The following DNAAF1 variants were observed in gnomAD, a reference collection of about 807,000 sequenced individuals.
DNAAF1 encodes the protein dynein axonemal assembly factor 1.
Under a neutral mutation model 71.1 loss-of-function variants are expected in DNAAF1, and 65 were observed. The ratio of observed to expected loss-of-function variants is 0.91; its 90% CI spans 0.75 to 1.12. DNAAF1 has a LOEUF of 1.12. Ranked by LOEUF, DNAAF1 falls within the 50% of genes most tolerant of loss-of-function variation. The pLI, the probability that DNAAF1 is intolerant of heterozygous loss-of-function variation, is 0.00. For missense variants in DNAAF1, 1,178 were observed against 899.8 expected (o/e 1.31, Z -3.96); for synonymous variants, 414 against 354.6 (o/e 1.17, Z -1.88).
chr16:84,176,347 G>A (rs980733848), intron 11 of DNAAF1, 48 bp downstream of exon 11: 22 of 1,611,048 alleles, frequency 1.4e-5, no homozygotes, highest in East Asian at 6.7e-5. Context: ...TTGGCTCCCC[G>A]GCCTGGGATG....
intron 1 of DNAAF1, among the ~76,000 whole-genome samples, chr16:84,147,268 T>G (rs2086959042): frequency 6.6e-6 from 1 of 152,216 alleles, no homozygotes; most frequent in Non-Finnish European, 1.5e-5. Flanking sequence ...TGTTGCTTCC[T>G]GTGGCTGGGC....
intron 3 of DNAAF1, 82 bp downstream of exon 3, chr16:84,150,424 C>T: frequency 1.9e-6 from 2 of 1,050,378 alleles, no homozygotes; most frequent in Non-Finnish European, 1.5e-6. Context: ...GCAGGGATCA[C>T]CTTTAGTTCT....
chr16:84,162,497 A>T (rs1373016530), intron 6 of DNAAF1, among the ~76,000 whole-genome samples: 1 of 152,066 alleles, frequency 6.6e-6, no homozygotes, highest in Non-Finnish European at 1.5e-5. Context: ...CATCACCACA[A>T]TCAATTTTAG....
intron 7 of DNAAF1, among the ~76,000 whole-genome samples, chr16:84,168,485 C>T (rs1338111177): frequency 6.6e-6 from 1 of 152,044 alleles, no homozygotes; most frequent in Non-Finnish European, 1.5e-5. Flanking sequence ...GCTATGTTGG[C>T]CAAGCTGGTC....
intron 3 of DNAAF1, among the ~76,000 whole-genome samples, chr16:84,151,004 A>G (rs956557995): frequency 2.0e-5 from 3 of 152,094 alleles, no homozygotes; most frequent in African/African-American, 7.2e-5. Context: ...TTGATGTTGG[A>G]AACAAATGAT....
chr16:84,172,638 A>G, intron 9 of DNAAF1: 1 of 1,312,702 alleles, frequency 7.6e-7, no homozygotes, highest in Non-Finnish European at 9.8e-7. Context: ...CCAAATCGCT[A>G]CCCTTGAACC....
chr16:84,148,079 A>G (rs186690718), intron 1 of DNAAF1, among the ~76,000 whole-genome samples: 190 of 152,048 alleles, frequency 1.2e-3, no homozygotes, highest in African/African-American at 4.5e-3. Flanking sequence ...AAAAAAAAAG[A>G]AATAAAACAT....
chr16:84,166,732 C>T (rs1435239483), intron 7 of DNAAF1, among the ~76,000 whole-genome samples: 2 of 152,176 alleles, frequency 1.3e-5, no homozygotes, highest in African/African-American at 4.8e-5. Context: ...TTGGCCTCAC[C>T]TACCTGCCAG....
In DNAAF1 at chr16:84,154,777, A is replaced by T; in HGVS notation, c.553A>T (p.Ile185Phe). ...TGCTCTTAACCTCAGCAACAATTAC[A>T]TCAAGACCATTGAAAACCTCTGTAA... is the stretch of plus-strand genomic sequence containing the variant. ...LDALNLSNNYIKTIENLSCLP... is the reference protein window; with the variant it reads ...LDALNLSNNYFKTIENLSCLP... The change falls in exon 4 of 12, where the codon ATC (isoleucine) becomes TTC (phenylalanine). Residue 185 changes from isoleucine to phenylalanine, a missense_variant. By Grantham distance (21) the Ile-to-Phe change is conservative. Coordinates refer to ENST00000378553, the MANE Select transcript of DNAAF1 (RefSeq NM_178452.6). 1 of 1,614,092 alleles carries T rather than the reference A, an allele frequency of 6.2e-7. No homozygotes were observed. Among genetic ancestry groups the T allele is most frequent in the Non-Finnish European group, 8.5e-7 (1 of 1,179,950 alleles).
Position 84,145,471 on chromosome 16 carries a change from G to A in DNAAF1, c.31G>A (p.Gly11Ser), listed in dbSNP as rs1473759916. ...CCCTGAGCCCTCGGAGCCTGCGACAGGTGGTGCAGCAGAGCTGGATTGCGC... is the reference window on the plus strand; with the variant it reads ...CCCTGAGCCCTCGGAGCCTGCGACAAGTGGTGCAGCAGAGCTGGATTGCGC... MHPEPSEPATGGAAELDCAQE... is the reference protein window; with the variant it reads MHPEPSEPATSGAAELDCAQE... The change falls in exon 1 of 12, where the codon GGT becomes AGT. Residue 11 changes from glycine to serine, a missense_variant. Gly to Ser is a moderately conservative substitution (Grantham distance 56, BLOSUM62 0). Coordinates refer to ENST00000378553, the MANE Select transcript of DNAAF1 (RefSeq NM_178452.6). 6.3e-7 allele frequency: 1 copy of A among 1,578,322 alleles called. No individual in the cohort carries two copies. The highest frequency in any genetic ancestry group is 8.6e-7 in the Non-Finnish European group (1 of 1,162,404).
intron 7 of DNAAF1, among the ~76,000 whole-genome samples, chr16:84,167,903 G>C (rs2088109683): frequency 6.6e-6 from 1 of 152,094 alleles, no homozygotes; most frequent in African/African-American, 2.4e-5. Context: ...TATAATCCCA[G>C]CTACTTGGGA....
chr16:84,175,174 AC>A (rs1188959048), intron 10 of DNAAF1: 1 of 223,736 alleles, frequency 4.5e-6, no homozygotes, highest in Non-Finnish European at 9.0e-6. Context: ...CCATATTTTC[AC>A]CTTGCTGAAG....
At chr16:84,165,223 A>C (rs577413308) in intron 6 of DNAAF1, among the ~76,000 whole-genome samples, 1 of 152,052 alleles carries the variant, frequency 6.6e-6, no homozygotes, top group East Asian at 1.9e-4. Context: ...TTTTTTTAAA[A>C]CTTTGCTCAT....
chr16:84,159,940 G>A, intron 6 of DNAAF1, 144 bp downstream of exon 6: 1 of 889,220 alleles, frequency 1.1e-6, no homozygotes, highest in Non-Finnish European at 1.7e-6. Flanking sequence ...CTACATAATT[G>A]ACTATAATGG....
At chr16:84,147,752 G>A (rs1371306687) in intron 1 of DNAAF1, among the ~76,000 whole-genome samples, 1 of 150,382 alleles carries the variant, frequency 6.6e-6, no homozygotes, top group African/African-American at 2.4e-5. Flanking sequence ...AAAGAAATAA[G>A]CCCCCCCCAA....
At chr16:84,168,341 T>C (rs1302525238) in intron 7 of DNAAF1, among the ~76,000 whole-genome samples, 1 of 152,232 alleles carries the variant, frequency 6.6e-6, no homozygotes, top group Non-Finnish European at 1.5e-5. Context: ...AATTTCCTGA[T>C]CTCAGGGTTC....
At chr16:84,148,781 G>C (rs992736608) in intron 1 of DNAAF1, among the ~76,000 whole-genome samples, 1 of 150,442 alleles carries the variant, frequency 6.6e-6, no homozygotes, top group African/African-American at 2.5e-5. Flanking sequence ...GTAGAGATGG[G>C]GTTTTGTCAT....
At position 84,161,207 on chromosome 16, in the gene DNAAF1, A is replaced by T. The variant is rs554863491; in HGVS notation, c.863+1411A>T. Among the ~76,000 whole-genome samples, 4 of 152,314 alleles carry T rather than the reference A, an allele frequency of 2.6e-5. 1 individual carries two copies. In the South Asian group the frequency reaches 8.3e-4, roughly 32 times the overall value. ...GTCCCTGTGAGCGCCTGTGAGCAAC[A>T]TGCAGGACTCCGAGCAGGTGCTGGG... On this transcript the variant is annotated intron_variant, in intron 6 of 11. Transcript: ENST00000378553.
At chr16:84,152,848 T>C (rs1232096067) in intron 3 of DNAAF1, among the ~76,000 whole-genome samples, 1 of 151,568 alleles carries the variant, frequency 6.6e-6, no homozygotes, top group Non-Finnish European at 1.5e-5. Context: ...TCTCAGCTAC[T>C]CAGGAGGCTG....
Sources: gnomAD v4.1 joint callset for allele counts (sites outside exome capture counted in the v4.1 genomes callset) on GRCh38, gnomAD v4.1.1 for gene constraint, MANE v1.5 for transcripts, NCBI Gene and HGNC (gene_info 2026-07-23, HGNC 2026-07-21) for gene names.